The following FBRSL1 variants were observed in gnomAD, a reference collection of about 807,000 sequenced individuals.
FBRSL1 encodes the protein fibrosin like 1, also known as fibrosin-1-like protein.
Under a neutral mutation model 89.6 loss-of-function variants are expected in FBRSL1, and 51 were observed. The ratio of observed to expected loss-of-function variants is 0.57; its 90% CI spans 0.45 to 0.72. FBRSL1 has a LOEUF of 0.72. Among genes scored for constraint, FBRSL1 ranks in the 30% least tolerant of loss-of-function variants. The probability of loss-of-function intolerance (pLI) is 0.00; values close to 1 mark genes in which losing one functional copy is unlikely to be tolerated. For synonymous variants in FBRSL1, 779 were observed against 681.1 expected (o/e 1.14, Z -2.24); for missense variants, 1,618 against 1,451.8 (o/e 1.11, Z -1.86).
intron 1 of FBRSL1, among the ~76,000 whole-genome samples, chr12:132,497,520 A>C: frequency 6.7e-6 from 1 of 149,392 alleles, no homozygotes; most frequent in African/African-American, 2.5e-5. Flanking sequence ...CTCCCTCCGG[A>C]CTCCCCCTCC....
intron 1 of FBRSL1, among the ~76,000 whole-genome samples, chr12:132,497,026 G>A (rs1385167220): frequency 1.3e-5 from 2 of 152,268 alleles, no homozygotes; most frequent in African/African-American, 2.4e-5. Context: ...GTCTCATTTC[G>A]GGTTGTTTGC....
chr12:132,527,171 C>T (rs2035857562), intron 3 of FBRSL1, among the ~76,000 whole-genome samples: 1 of 152,092 alleles, frequency 6.6e-6, no homozygotes, highest in Non-Finnish European at 1.5e-5. Flanking sequence ...CTCCCGGAAG[C>T]CTTCCTTGTC....
intron 18 of FBRSL1, 29 bp from the exon 19 acceptor site, chr12:132,582,942 G>C: frequency 7.3e-7 from 1 of 1,377,280 alleles, no homozygotes; most frequent in Non-Finnish European, 9.3e-7. Context: ...GAGGTCTCGG[G>C]AGTGACGGGT....
rs1203060135 is a variant in FBRSL1 at position 132,527,997 on chromosome 12, C to T, written c.615+9C>T. Reference sequence around the variant, plus strand: ...CGGGGAGAGGCTACTCTGTAAGTCTCCCAGCACCCCTCCTCCATCTTTGTC... The same window carrying T: ...CGGGGAGAGGCTACTCTGTAAGTCTTCCAGCACCCCTCCTCCATCTTTGTC... On this transcript the variant is annotated intron_variant, in intron 4 of 18. Coordinates refer to ENST00000680143, the MANE Select transcript of FBRSL1 (RefSeq NM_001367871.1). 1.9e-6 allele frequency: 3 copies of T among 1,551,154 alleles called. No individual in the cohort carries two copies. Among genetic ancestry groups the T allele is most frequent in the Non-Finnish European group, 2.6e-6 (3 of 1,146,686 alleles).
intron 2 of FBRSL1, among the ~76,000 whole-genome samples, chr12:132,520,730 C>CTTGCT: frequency 6.6e-6 from 1 of 152,312 alleles, no homozygotes; most frequent in Middle Eastern, 3.4e-3. Context: ...GGGCTCTGCT[C>CTTGCT]TTGCTGAATG....
intron 5 of FBRSL1, among the ~76,000 whole-genome samples, chr12:132,556,380 G>A (rs2137519038): frequency 6.6e-6 from 1 of 152,262 alleles, no homozygotes; most frequent in East Asian, 1.9e-4. Flanking sequence ...GCCTACACAG[G>A]CCGGGCAACA....
intron 4 of FBRSL1, among the ~76,000 whole-genome samples, chr12:132,536,362 G>C (rs1566161717): frequency 6.6e-6 from 1 of 151,196 alleles, no homozygotes; most frequent in African/African-American, 2.4e-5. Context: ...CAATATGATT[G>C]TGTACATGAT....
intron 4 of FBRSL1, among the ~76,000 whole-genome samples, chr12:132,530,977 G>T (rs564506894): frequency 9.6e-5 from 13 of 135,336 alleles, no homozygotes; most frequent in African/African-American, 3.5e-4. Flanking sequence ...AGCCCTGCGG[G>T]CCCCTTGTGT....
At position 132,526,768 on chromosome 12, in the gene FBRSL1, T is replaced by A. The variant is rs528584157; in HGVS notation, c.579+945T>A. On this transcript the variant is annotated intron_variant, in intron 3 of 18. Transcript: ENST00000680143. ...GATCTTTGCATCTGCCCCCCACTCC[T>A]CAGGGGGCTCTGGACCCTCCCTGTG... Among the ~76,000 whole-genome samples, 86 of 152,256 alleles carry A rather than the reference T, an allele frequency of 5.6e-4. 2 individuals carry two copies. In the East Asian group the frequency reaches 0.016, roughly 28 times the overall value.
At chr12:132,513,826 C>T (rs2034587663) in intron 2 of FBRSL1, among the ~76,000 whole-genome samples, 1 of 152,188 alleles carries the variant, frequency 6.6e-6, no homozygotes, top group Non-Finnish European at 1.5e-5. Flanking sequence ...CCCTTGGGTC[C>T]TCCCCAGGTC....
intron 1 of FBRSL1, among the ~76,000 whole-genome samples, chr12:132,504,765 CTTGTGTCTT>C (rs2136500977): frequency 6.6e-6 from 1 of 152,312 alleles, no homozygotes; most frequent in East Asian, 1.9e-4. Context: ...CTCTGTGTCT[CTTGTGTCTT>C]CATTCGACAC....
intron 4 of FBRSL1, among the ~76,000 whole-genome samples, chr12:132,547,332 G>C (rs1054856979): frequency 5.3e-5 from 8 of 151,678 alleles, no homozygotes; most frequent in Non-Finnish European, 1.2e-4. Context: ...TCTTTGTAGG[G>C]CTCTGCCTAC....
intron 4 of FBRSL1, among the ~76,000 whole-genome samples, chr12:132,539,617 C>T (rs1465163932): frequency 3.5e-5 from 4 of 113,758 alleles, no homozygotes; most frequent in East Asian, 2.9e-4. Context: ...CAGCCCCGTG[C>T]CCGCCCAGTC....
At chr12:132,521,564 A>G (rs1334034545) in intron 2 of FBRSL1, among the ~76,000 whole-genome samples, 2 of 152,178 alleles carry the variant, frequency 1.3e-5, no homozygotes, top group Non-Finnish European at 2.9e-5. Flanking sequence ...CTGCAGGTGC[A>G]GAGGCTGGAG....
At chr12:132,504,501 A>T (rs2033432222) in intron 1 of FBRSL1, among the ~76,000 whole-genome samples, 1 of 152,052 alleles carries the variant, frequency 6.6e-6, no homozygotes, top group South Asian at 2.1e-4. Flanking sequence ...GCGCCACTGC[A>T]GGGCAGTGGC....
At chr12:132,534,507 T>C (rs2036552428) in intron 4 of FBRSL1, among the ~76,000 whole-genome samples, 1 of 152,244 alleles carries the variant, frequency 6.6e-6, no homozygotes, top group African/African-American at 2.4e-5. Context: ...GTCCCCTCCC[T>C]GTCCACCTTT....
At chr12:132,575,548 C>G (rs890258997) in intron 14 of FBRSL1, among the ~76,000 whole-genome samples, 11 of 152,260 alleles carry the variant, frequency 7.2e-5, no homozygotes, top group African/African-American at 2.4e-4. Flanking sequence ...TGTCTTTATA[C>G]TTGCATGTCT....
In FBRSL1 at chr12:132,583,137, A is replaced by G. The variant is rs891035241; in HGVS notation, c.2368A>G (p.Lys790Glu). 1.4e-6 allele frequency: 2 copies of G among 1,463,492 alleles called. No individual in the cohort carries two copies. The highest frequency in any genetic ancestry group is 2.4e-5 in the Admixed American group (1 of 42,248). 90.7% of individuals were successfully genotyped at this position (1,463,492 alleles called of 1,614,324 possible). Residue 790 changes from lysine (K) to glutamate (E), a missense_variant, in exon 19 of 19, where the codon AAG becomes GAG. Lys to Glu is a moderately conservative substitution (Grantham distance 56, BLOSUM62 1). Transcript: ENST00000680143. ...PRVKESRSPA[K>E]EEAAKMPARA... ...GGTCAAGGAGAGCCGCTCCCCGGCC[A>G]AGGAGGAGGCCGCCAAGATGCCCGC...
At chr12:132,544,568 G>A (rs1566175277) in intron 4 of FBRSL1, among the ~76,000 whole-genome samples, 1 of 152,148 alleles carries the variant, frequency 6.6e-6, no homozygotes, top group South Asian at 2.1e-4. Flanking sequence ...TGAGGATGAG[G>A]GTGAGGACGA....
Sources: gnomAD v4.1 joint callset for allele counts (sites outside exome capture counted in the v4.1 genomes callset) on GRCh38, gnomAD v4.1.1 for gene constraint, MANE v1.5 for transcripts, NCBI Gene and HGNC (gene_info 2026-07-23, HGNC 2026-07-21) for gene names.